Variants in TMEM217B observed in about 807,000 individuals in gnomAD.
TMEM217B encodes the protein transmembrane protein 217B, also known as putative transmembrane protein 217B.
chr6:37,247,908 C>T, the TMEM217B span, among the ~76,000 whole-genome samples: 4 of 152,134 alleles, frequency 2.6e-5, no homozygotes, highest in African/African-American at 9.6e-5. Flanking sequence ...CCATAGTTCT[C>T]GGGAGATGGG....
the TMEM217B span, among the ~76,000 whole-genome samples, chr6:37,247,140 C>A: frequency 6.6e-6 from 1 of 152,122 alleles, no homozygotes; most frequent in Non-Finnish European, 1.5e-5. Flanking sequence ...CTTATATGGC[C>A]TTAGAAGTCT....
At chr6:37,217,508 G>T in the TMEM217B span, 1 of 443,254 alleles carries the variant, frequency 2.3e-6, no homozygotes, top group Non-Finnish European at 3.0e-6. Context: ...TCAGTACAGT[G>T]TTCACACTAC....
chr6:37,242,293 G>A, the TMEM217B span, among the ~76,000 whole-genome samples: 6 of 152,182 alleles, frequency 3.9e-5, no homozygotes, highest in Non-Finnish European at 7.3e-5. Context: ...CCCCCACGGT[G>A]GGCAGAACCT....
At chr6:37,228,236 G>GA in the TMEM217B span, among the ~76,000 whole-genome samples, 6 of 151,582 alleles carry the variant, frequency 4.0e-5, no homozygotes, top group South Asian at 2.1e-4. Flanking sequence ...TTTCAAAAAA[G>GA]AAAAAAAAGA....
chr6:37,238,868 C>T, the TMEM217B span, among the ~76,000 whole-genome samples: 11 of 152,178 alleles, frequency 7.2e-5, no homozygotes, highest in South Asian at 2.1e-4. Flanking sequence ...TGGTGGCTCA[C>T]GCCTGTAATC....
chr6:37,247,416 T>G, the TMEM217B span, among the ~76,000 whole-genome samples: 5 of 141,950 alleles, frequency 3.5e-5, no homozygotes, highest in Admixed American at 7.3e-5. Flanking sequence ...TGAGATGGAG[T>G]CTCGCTCTGT....
the TMEM217B span, among the ~76,000 whole-genome samples, chr6:37,240,954 T>C: frequency 6.6e-6 from 1 of 152,200 alleles, no homozygotes; most frequent in Non-Finnish European, 1.5e-5. Context: ...TATTGATTAT[T>C]CCTAAGGTTG....
the TMEM217B span, among the ~76,000 whole-genome samples, chr6:37,236,249 G>A: frequency 7.2e-4 from 110 of 151,928 alleles, 1 homozygote; most frequent in African/African-American, 2.5e-3. Context: ...TGCCTCCCAC[G>A]AGTGCTAGGA....
chr6:37,225,289 TA>T, the TMEM217B span, among the ~76,000 whole-genome samples: 11 of 152,048 alleles, frequency 7.2e-5, no homozygotes, highest in East Asian at 1.9e-4. Context: ...GGGGCAGGGA[TA>T]GGGGCAGGGG....
chr6:37,227,481 C>CT, the TMEM217B span, among the ~76,000 whole-genome samples: 1 of 152,178 alleles, frequency 6.6e-6, no homozygotes. Context: ...GAGTCTCGCT[C>CT]TGTCACCCAG....
chr6:37,258,042 C>G, the TMEM217B span: 1 of 1,552,778 alleles, frequency 6.4e-7, no homozygotes, highest in Non-Finnish European at 8.7e-7. Context: ...CCCTGAATCC[C>G]GCGGGCCTGG....
chr6:37,212,263 C>A, the TMEM217B span: 1 of 347,864 alleles, frequency 2.9e-6, no homozygotes, highest in Non-Finnish European at 5.7e-6. Flanking sequence ...TTGATCCGCA[C>A]AACCTGCCCT....
At chr6:37,220,165 T>C in the TMEM217B span, among the ~76,000 whole-genome samples, 1 of 152,198 alleles carries the variant, frequency 6.6e-6, no homozygotes, top group Non-Finnish European at 1.5e-5. Flanking sequence ...CTGGTTAGGT[T>C]ATTTGGGCTG....
At chr6:37,256,821 C>T in the TMEM217B span, among the ~76,000 whole-genome samples, 1 of 152,072 alleles carries the variant, frequency 6.6e-6, no homozygotes, top group South Asian at 2.1e-4. Context: ...GACTGGTGCC[C>T]GCCTTCCCTC....
the TMEM217B span, among the ~76,000 whole-genome samples, chr6:37,219,364 G>C: frequency 6.6e-6 from 1 of 152,178 alleles, no homozygotes; most frequent in Non-Finnish European, 1.5e-5. Flanking sequence ...TTGGGATCCA[G>C]GCACCAGTAA....
the TMEM217B span, chr6:37,257,951 A>T: frequency 6.2e-7 from 1 of 1,614,126 alleles, no homozygotes; most frequent in Non-Finnish European, 8.5e-7. Flanking sequence ...GTTTTGGAAG[A>T]GGAGCGCTAA....
At chr6:37,242,183 G>A in the TMEM217B span, among the ~76,000 whole-genome samples, 2 of 152,082 alleles carry the variant, frequency 1.3e-5, no homozygotes, top group South Asian at 4.1e-4. Context: ...TCATAGCCCT[G>A]GAGACTATGG....
the TMEM217B span, chr6:37,215,434 G>A: frequency 9.9e-7 from 1 of 1,009,894 alleles, no homozygotes; most frequent in Non-Finnish European, 1.4e-6. Flanking sequence ...AATTAGCTGG[G>A]CATGGTGGCA....
At chr6:37,218,849 A>G in the TMEM217B span, 4 of 1,614,220 alleles carry the variant, frequency 2.5e-6, no homozygotes, top group East Asian at 8.9e-5. Context: ...ACTCCAGCAG[A>G]TGATGAAGTT....
Sources: gnomAD v4.1 joint callset for allele counts (sites outside exome capture counted in the v4.1 genomes callset) on GRCh38, gnomAD v4.1.1 for gene constraint, MANE v1.5 for transcripts, NCBI Gene and HGNC (gene_info 2026-07-23, HGNC 2026-07-21) for gene names.